The following KRTAP9-4 variants were observed in gnomAD, a reference collection of about 807,000 sequenced individuals.
KRTAP9-4 encodes the protein keratin-associated protein 9-4.
A neutral mutation model predicts 12.7 loss-of-function variants in KRTAP9-4; 8 were observed. That is an observed-to-expected ratio of 0.63 (90% CI 0.37 to 1.14). The LOEUF (loss-of-function observed/expected upper bound fraction) is 1.14, where lower values mean the gene tolerates loss of function less well. Among genes scored for constraint, KRTAP9-4 ranks in the 50% most tolerant of loss-of-function variants. The pLI, the probability that KRTAP9-4 is intolerant of heterozygous loss-of-function variation, is 0.01. For missense variants in KRTAP9-4, 188 were observed against 189.1 expected (o/e 0.99, Z 0.03); for synonymous variants, 81 against 67.3 (o/e 1.20, Z -1.00).
At position 41,250,320 on chromosome 17, in the gene KRTAP9-4, T is replaced by C. The variant is rs1183997272; in HGVS notation, c.*135T>C. 13 of 966,138 alleles carry C rather than the reference T, an allele frequency of 1.3e-5. No homozygotes were observed. Among genetic ancestry groups the C allele is most frequent in the Admixed American group, 2.3e-5 (1 of 42,582 alleles). 59.8% of individuals were successfully genotyped at this position (966,138 alleles called of 1,614,324 possible). A position where few individuals can be genotyped will look rare whatever the true frequency, so the allele number is the denominator to read the frequency against. On this transcript the variant is annotated 3_prime_UTR_variant, in exon 1 of 1. Coordinates refer to ENST00000334109, the MANE Select transcript of KRTAP9-4 (RefSeq NM_033191.3). ...AATTTTTATGAATTCTCTACCTGTT[T>C]AAAATCTTGGGAATCTACTTGAGGG...
In KRTAP9-4 at chr17:41,250,439, GC is replaced by G; in HGVS notation, c.*255del. On this transcript the variant is annotated 3_prime_UTR_variant, in exon 1 of 1. Transcript: ENST00000334109. ...TTCTCAATTTTGAGTCATGGTCTCA[GC>G]TTTGACTCAAAAGTCAAGAGCTTCA... The G allele has an allele frequency of 6.4e-6, 2 of 314,014 alleles. No individual in the cohort carries two copies. The highest frequency in any genetic ancestry group is 9.4e-5 in the East Asian group (2 of 21,270). The allele number at this position is 314,014 out of a possible 1,614,324, so 19.5% of individuals were successfully genotyped here.
Position 41,250,078 on chromosome 17 carries a change from A to G in KRTAP9-4, c.358A>G (p.Ser120Gly), listed in dbSNP as rs766161196. Reference sequence around the variant, plus strand: ...CTGCCTGCCTGGTTGCCTAAACCAGAGCTGTGGCTCCAACTGCTGCCAGCC... The same window carrying G: ...CTGCCTGCCTGGTTGCCTAAACCAGGGCTGTGGCTCCAACTGCTGCCAGCC... ...TVCLPGCLNQ[S>G]CGSNCCQPCC... Residue 120 changes from serine to glycine, a missense_variant, in exon 1 of 1, where the codon AGC becomes GGC. Physicochemically the swap from Ser to Gly is moderately conservative, Grantham distance 56. Coordinates refer to ENST00000334109, the MANE Select transcript of KRTAP9-4 (RefSeq NM_033191.3). 6 of 1,607,432 alleles carry G rather than the reference A, an allele frequency of 3.7e-6. No homozygotes were observed. The Admixed American group carries it at 8.4e-5, about 23-fold the overall frequency.
rs780926124 is a variant in KRTAP9-4 at position 41,249,955 on chromosome 17, C to A, written c.235C>A (p.Pro79Thr). ...SCCQPSCCST[P>T]CCQPTCCGSS... ...CTGCCAGCCTTCCTGCTGCAGCACA[C>A]CCTGCTGCCAGCCCACCTGCTGTGG... The change falls in exon 1 of 1, where the codon CCC (proline) becomes ACC (threonine). Residue 79 changes from proline to threonine, a missense_variant. By Grantham distance (38) the Pro-to-Thr change is conservative. Coordinates refer to ENST00000334109, the MANE Select transcript of KRTAP9-4 (RefSeq NM_033191.3). 5 of 1,613,198 alleles carry A rather than the reference C, an allele frequency of 3.1e-6. No individual in the cohort carries two copies. The highest frequency in any genetic ancestry group is 1.1e-5 in the South Asian group (1 of 91,026).
chr17:41,250,095 C>G lies in KRTAP9-4; in HGVS notation c.375C>G (p.Cys125Trp), dbSNP rs139236962. The G allele has an allele frequency of 6.2e-7, 1 of 1,614,056 alleles. No individual in the cohort carries two copies. Among genetic ancestry groups the G allele is most frequent in the Admixed American group, 1.7e-5 (1 of 60,028 alleles). ...GCLNQSCGSN[C>W]CQPCCRPACC... ...TAAACCAGAGCTGTGGCTCCAACTG[C>G]TGCCAGCCCTGCTGCCGCCCAGCCT... Residue 125 changes from cysteine to tryptophan, a missense_variant, in exon 1 of 1, where the codon TGC (cysteine) becomes TGG (tryptophan). Coordinates refer to ENST00000334109, the MANE Select transcript of KRTAP9-4 (RefSeq NM_033191.3).
Position 41,250,241 on chromosome 17 carries a change from AT to A in KRTAP9-4, c.*57del. The stretch of plus-strand genomic sequence containing the variant: ...CAACAACTTTCTGCTCAACTGACTT[AT>A]CTTTTGGGGGACTAATTTAATTTGC... On this transcript the variant is annotated 3_prime_UTR_variant, in exon 1 of 1. Coordinates refer to ENST00000334109, the MANE Select transcript of KRTAP9-4 (RefSeq NM_033191.3). 1.2e-6 allele frequency: 2 copies of A among 1,603,862 alleles called. No homozygotes were observed. The highest frequency in any genetic ancestry group is 1.7e-6 in the Non-Finnish European group (2 of 1,172,176).
chr17:41,249,831 C>A, the KRTAP9-4 span: 1 of 1,542,122 alleles, frequency 6.5e-7, no homozygotes, highest in Admixed American at 1.8e-5. Context: ...GCACACCCTG[C>A]TGCCAGCCCT....
In KRTAP9-4 at chr17:41,249,990, T is replaced by G; in HGVS notation, c.270T>G (p.Cys90Trp). The G allele has an allele frequency of 2.5e-6, 4 of 1,613,988 alleles. No homozygotes were observed. Among genetic ancestry groups the G allele is most frequent in the Non-Finnish European group, 3.4e-6 (4 of 1,179,992 alleles). Residue 90 changes from cysteine (C) to tryptophan (W), a missense_variant, in exon 1 of 1, where the codon TGT becomes TGG. Physicochemically the swap from Cys to Trp is radical, Grantham distance 215 (BLOSUM62 -2). Transcript: ENST00000334109. ...CCQPTCCGSSCDQSSSCAPVY... is the reference protein window; with the variant it reads ...CCQPTCCGSSWDQSSSCAPVY... Reference sequence around the variant, plus strand: ...AGCCCACCTGCTGTGGGTCCAGCTGTGACCAGAGCAGCTCCTGTGCACCTG... The same window carrying G: ...AGCCCACCTGCTGTGGGTCCAGCTGGGACCAGAGCAGCTCCTGTGCACCTG...
rs754739709 is a variant in KRTAP9-4, at chr17:41,250,401, C to T, written c.*216C>T. Reference sequence around the variant, plus strand: ...TTCCTTACACTTTGTGGATCATGTGCCAGCTTCGTGTGTTCTCAATTTTGA... The same window carrying T: ...TTCCTTACACTTTGTGGATCATGTGTCAGCTTCGTGTGTTCTCAATTTTGA... On this transcript the variant is annotated 3_prime_UTR_variant, in exon 1 of 1. Transcript: ENST00000334109. The T allele has an allele frequency of 8.2e-6, 6 of 734,836 alleles. No homozygotes were observed. The highest frequency in any genetic ancestry group is 1.1e-5 in the Non-Finnish European group (5 of 445,484). 45.5% of individuals were successfully genotyped at this position (734,836 alleles called of 1,614,324 possible). A position where few individuals can be genotyped will look rare whatever the true frequency, so the allele number is the denominator to read the frequency against.
chr17:41,250,366 G>C lies in KRTAP9-4; in HGVS notation c.*181G>C. ...GAGGGAGGGCAGAATACTTCATCCT[G>C]ATTCTCTTTTTCCTTACACTTTGTG... On this transcript the variant is annotated 3_prime_UTR_variant, in exon 1 of 1. Transcript: ENST00000334109. 1 of 788,634 alleles carries C rather than the reference G, an allele frequency of 1.3e-6. No individual in the cohort carries two copies. The allele number at this position is 788,634 out of a possible 1,614,324, so 48.9% of individuals were successfully genotyped here. A position where few individuals can be genotyped will look rare whatever the true frequency, so the allele number is the denominator to read the frequency against.
the KRTAP9-4 span, chr17:41,250,068 C>A: frequency 1.2e-6 from 2 of 1,614,100 alleles, no homozygotes; most frequent in Non-Finnish European, 1.7e-6. Context: ...TGCCTGGTTG[C>A]CTAAACCAGA....
Position 41,250,374 on chromosome 17 carries a change from T to C in KRTAP9-4, c.*189T>C. 1.3e-6 allele frequency: 1 copy of C among 785,774 alleles called. No homozygotes were observed. The allele number at this position is 785,774 out of a possible 1,614,324, so 48.7% of individuals were successfully genotyped here. A position where few individuals can be genotyped will look rare whatever the true frequency, so the allele number is the denominator to read the frequency against. On this transcript the variant is annotated 3_prime_UTR_variant, in exon 1 of 1. Coordinates refer to ENST00000334109, the MANE Select transcript of KRTAP9-4 (RefSeq NM_033191.3). Reference sequence around the variant, plus strand: ...GCAGAATACTTCATCCTGATTCTCTTTTTCCTTACACTTTGTGGATCATGT... The same window carrying C: ...GCAGAATACTTCATCCTGATTCTCTCTTTCCTTACACTTTGTGGATCATGT...
In KRTAP9-4 at chr17:41,250,030, A is replaced by C. The variant is rs778739432; in HGVS notation, c.310A>C (p.Thr104Pro). Reference sequence around the variant, plus strand: ...CTGTGCACCTGTGTACTGCAGAAGAACCTGCTACTACCCCACAACTGTCTG... The same window carrying C: ...CTGTGCACCTGTGTACTGCAGAAGACCCTGCTACTACCCCACAACTGTCTG... The part of the protein sequence containing the change: ...SSCAPVYCRR[T>P]CYYPTTVCLP... Residue 104 changes from threonine (T) to proline (P), a missense_variant, in exon 1 of 1, where the codon ACC becomes CCC. Coordinates refer to ENST00000334109, the MANE Select transcript of KRTAP9-4 (RefSeq NM_033191.3). The C allele has an allele frequency of 8.7e-6, 14 of 1,613,354 alleles. No individual in the cohort carries two copies. The highest frequency in any genetic ancestry group is 1.7e-4 in the Middle Eastern group (1 of 6,058).
Position 41,250,556 on chromosome 17 carries a change from G to C in KRTAP9-4, c.*371G>C. On this transcript the variant is annotated 3_prime_UTR_variant, in exon 1 of 1. Transcript: ENST00000334109. ...TTTCAATATCCTCCTCATGGTTCTT[G>C]TATCCTTCTTTCTTCTTTTCATAAC... The C allele has an allele frequency of 2.2e-6, 1 of 460,182 alleles. No individual in the cohort carries two copies. The highest frequency in any genetic ancestry group is 2.9e-5 in the South Asian group (1 of 34,458). 28.5% of individuals were successfully genotyped at this position (460,182 alleles called of 1,614,324 possible).
Position 41,250,020 on chromosome 17 carries a change from C to T in KRTAP9-4, c.300C>T (p.Tyr100=). ...CDQSSSCAPV[Y]CRRTCYYPTT... is the part of the protein sequence containing the mutation. ...AGAGCAGCTCCTGTGCACCTGTGTA[C>T]TGCAGAAGAACCTGCTACTACCCCA... The change falls in exon 1 of 1, where the codon TAC becomes TAT. Residue 100 remains tyrosine, a synonymous_variant. Coordinates refer to ENST00000334109, the MANE Select transcript of KRTAP9-4 (RefSeq NM_033191.3). 6.2e-7 allele frequency: 1 copy of T among 1,614,142 alleles called. No individual in the cohort carries two copies. The highest frequency in any genetic ancestry group is 8.5e-7 in the Non-Finnish European group (1 of 1,180,030).
rs773688416 is a variant in KRTAP9-4 at position 41,250,199 on chromosome 17, G to T, written c.*14G>T. The T allele has an allele frequency of 7.4e-6, 12 of 1,613,922 alleles. No individual in the cohort carries two copies. The highest frequency in any genetic ancestry group is 1.0e-5 in the Non-Finnish European group (12 of 1,179,858). On this transcript the variant is annotated 3_prime_UTR_variant, in exon 1 of 1. Transcript: ENST00000334109. ...TTTTGCTGCTGATCAAGTCCCAAGA[G>T]AACCACCATCCTCACACAACAACTT... is the stretch of plus-strand genomic sequence containing the variant.
Position 41,250,262 on chromosome 17 carries a change from A to G in KRTAP9-4, c.*77A>G. 6.3e-7 allele frequency: 1 copy of G among 1,576,702 alleles called. No homozygotes were observed. The highest frequency in any genetic ancestry group is 8.7e-7 in the Non-Finnish European group (1 of 1,153,972). ...ACTTATCTTTTGGGGGACTAATTTA[A>G]TTTGCTGCTGACAGCCACCATGCTC... On this transcript the variant is annotated 3_prime_UTR_variant, in exon 1 of 1. Transcript: ENST00000334109.
In KRTAP9-4 at chr17:41,249,735, C is replaced by T. The variant is rs1401579753; in HGVS notation, c.15C>T (p.Cys5=). 6.2e-6 allele frequency: 10 copies of T among 1,611,458 alleles called. No individual in the cohort carries two copies. The highest frequency in any genetic ancestry group is 1.7e-5 in the Admixed American group (1 of 59,998). Residue 5 remains cysteine, a synonymous_variant, in exon 1 of 1, where the codon TGC becomes TGT. Coordinates refer to ENST00000334109, the MANE Select transcript of KRTAP9-4 (RefSeq NM_033191.3). Reference sequence around the variant, plus strand: ...CCCCTGACACCATGACCCACTGTTGCTCCCCTTGCTGTCAGCCTACATGCT... The same window carrying T: ...CCCCTGACACCATGACCCACTGTTGTTCCCCTTGCTGTCAGCCTACATGCT... The part of the protein sequence containing the change: MTHC[C]SPCCQPTCCR...
rs369823178 is a variant in KRTAP9-4 at position 41,250,112 on chromosome 17, G to A, written c.392G>A (p.Arg131His). ...CGSNCCQPCCRPACCETTCFQ... is the reference protein window; with the variant it reads ...CGSNCCQPCCHPACCETTCFQ... ...TCCAACTGCTGCCAGCCCTGCTGCC[G>A]CCCAGCCTGCTGTGAGACCACTTGC... The change falls in exon 1 of 1, where the codon CGC (arginine) becomes CAC (histidine). Residue 131 changes from arginine to histidine, a missense_variant. By Grantham distance (29) the Arg-to-His change is conservative. Transcript: ENST00000334109. 34 of 1,613,996 alleles carry A rather than the reference G, an allele frequency of 2.1e-5. No individual in the cohort carries two copies. The highest frequency in any genetic ancestry group is 1.7e-4 in the Admixed American group (10 of 59,998).
At position 41,250,249 on chromosome 17, in the gene KRTAP9-4, G is replaced by C. The variant is rs931273612; in HGVS notation, c.*64G>C. Reference sequence around the variant, plus strand: ...TTCTGCTCAACTGACTTATCTTTTGGGGGACTAATTTAATTTGCTGCTGAC... The same window carrying C: ...TTCTGCTCAACTGACTTATCTTTTGCGGGACTAATTTAATTTGCTGCTGAC... On this transcript the variant is annotated 3_prime_UTR_variant, in exon 1 of 1. Transcript: ENST00000334109. 39 of 1,598,160 alleles carry C rather than the reference G, an allele frequency of 2.4e-5. No individual in the cohort carries two copies. In the South Asian group the frequency reaches 2.6e-4, roughly 11 times the overall value.
Sources: allele counts gnomAD v4.1 joint callset, GRCh38; gene constraint gnomAD v4.1.1; transcripts MANE v1.5; gene names NCBI Gene and HGNC (gene_info 2026-07-23, HGNC 2026-07-21).